The following DCC variants were observed in gnomAD, a reference collection of about 807,000 sequenced individuals.
The protein encoded by DCC is DCC netrin 1 receptor.
A neutral mutation model predicts 172.5 loss-of-function variants in DCC; 58 were observed. The observed-to-expected ratio is 0.34, with a 90% CI of 0.27 to 0.42. DCC has a LOEUF of 0.42. DCC is among the 10% of genes least tolerant of loss of function. DCC has a pLI of 1.00. For synonymous variants in DCC, 709 were observed against 644.5 expected, an observed-to-expected ratio of 1.10 and a Z score of -1.52; for missense variants, 1,740 against 1,791.0, an observed-to-expected ratio of 0.97 and a Z score of 0.51.
chr18:53,075,985 T>G (rs1179772833), intron 7 of DCC, among the ~76,000 whole-genome samples: 2 of 152,150 alleles, frequency 1.3e-5, no homozygotes, highest in African/African-American at 4.8e-5. Context: ...ACTGGTCATA[T>G]ATGCTGTACT....
intron 27 of DCC, among the ~76,000 whole-genome samples, chr18:53,525,437 T>C (rs2046444106): frequency 6.6e-6 from 1 of 152,072 alleles, no homozygotes; most frequent in Admixed American, 6.6e-5. Context: ...ATCCCTAAAG[T>C]TCAAGAGTGA....
At chr18:53,390,875 C>A (rs1908504870) in intron 16 of DCC, among the ~76,000 whole-genome samples, 1 of 152,162 alleles carries the variant, frequency 6.6e-6, no homozygotes, top group African/African-American at 2.4e-5. Context: ...AATATGGGAA[C>A]TCCTACCAAG....
intron 1 of DCC, among the ~76,000 whole-genome samples, chr18:52,424,657 C>A (rs1987362409): frequency 6.6e-6 from 1 of 152,064 alleles, no homozygotes; most frequent in Non-Finnish European, 1.5e-5. Context: ...CTGCCTAGAT[C>A]CTAATTAAGA....
At position 52,997,466 on chromosome 18, in the gene DCC, T is replaced by C. The variant is rs368606482; in HGVS notation, c.986-65839T>C. The stretch of plus-strand genomic sequence containing the variant: ...TGTAATAGACACATAAAAACCTAAG[T>C]CTCCATTCAGGATTCACATATGCCA... On this transcript the variant is annotated intron_variant, in intron 5 of 28. Coordinates refer to ENST00000442544, the MANE Select transcript of DCC (RefSeq NM_005215.4). Among the ~76,000 whole-genome samples the C allele has an allele frequency of 1.1e-4, 17 of 152,146 alleles. No homozygotes were observed. The East Asian group carries it at 1.7e-3, about 16-fold the overall frequency.
At chr18:52,708,604 G>C (rs1033452730) in intron 1 of DCC, among the ~76,000 whole-genome samples, 2 of 152,166 alleles carry the variant, frequency 1.3e-5, no homozygotes, top group Non-Finnish European at 2.9e-5. Context: ...TATCAACAAA[G>C]AGATGCTGTA....
intron 1 of DCC, among the ~76,000 whole-genome samples, chr18:52,612,336 G>C (rs1439018934): frequency 6.6e-6 from 1 of 151,950 alleles, no homozygotes; most frequent in Non-Finnish European, 1.5e-5. Context: ...TTAATCACAA[G>C]GTTCCCATCA....
chr18:52,934,395 G>A (rs2040352576), intron 5 of DCC, among the ~76,000 whole-genome samples: 1 of 152,056 alleles, frequency 6.6e-6, no homozygotes, highest in Non-Finnish European at 1.5e-5. Flanking sequence ...ACACCTTGCT[G>A]TTCATGCTTT....
At chr18:53,230,444 G>C (rs529160601) in intron 12 of DCC, among the ~76,000 whole-genome samples, 4 of 152,002 alleles carry the variant, frequency 2.6e-5, no homozygotes, top group Admixed American at 2.6e-4. Flanking sequence ...AGGGACTCCA[G>C]CGTATCATTT....
At chr18:52,843,309 G>A (rs769212955) in intron 2 of DCC, among the ~76,000 whole-genome samples, 2 of 152,102 alleles carry the variant, frequency 1.3e-5, no homozygotes, top group South Asian at 2.1e-4. Context: ...TTTTACCTTT[G>A]TTACCTGCTA....
intron 1 of DCC, among the ~76,000 whole-genome samples, chr18:52,423,135 G>A (rs1987306095): frequency 6.6e-6 from 1 of 152,116 alleles, no homozygotes; most frequent in Non-Finnish European, 1.5e-5. Flanking sequence ...GTCATGCTCT[G>A]TATTAAAGCC....
chr18:52,646,283 A>C (rs2035016913), intron 1 of DCC, among the ~76,000 whole-genome samples: 1 of 152,170 alleles, frequency 6.6e-6, no homozygotes. Context: ...TACATTTTAC[A>C]TGTATGCATT....
At chr18:52,613,806 G>A (rs763322123) in intron 1 of DCC, among the ~76,000 whole-genome samples, 4 of 152,080 alleles carry the variant, frequency 2.6e-5, no homozygotes, top group Non-Finnish European at 5.9e-5. Context: ...CTGGGTATTC[G>A]CTGAGAGCAA....
intron 15 of DCC, among the ~76,000 whole-genome samples, chr18:53,367,277 AAT>A (rs80034976): frequency 0.3 from 45,074 of 151,916 alleles, 8,573 homozygotes; most frequent in Non-Finnish European, 0.44. Context: ...CAAAGAAAAA[AAT>A]GAGTATAGCC....
At chr18:52,986,284 C>A (rs969966083) in intron 5 of DCC, among the ~76,000 whole-genome samples, 2 of 152,116 alleles carry the variant, frequency 1.3e-5, no homozygotes, top group African/African-American at 4.8e-5. Flanking sequence ...AGAGTAGTAT[C>A]ATAATTTTAG....
intron 7 of DCC, among the ~76,000 whole-genome samples, chr18:53,120,009 A>G (rs917716810): frequency 2.5e-4 from 38 of 152,018 alleles, no homozygotes; most frequent in East Asian, 7.8e-4. Context: ...TATTCAAGTT[A>G]TAGTCTCATT....
intron 1 of DCC, among the ~76,000 whole-genome samples, chr18:52,558,940 C>T (rs903340566): frequency 1.3e-5 from 2 of 152,116 alleles, no homozygotes; most frequent in African/African-American, 4.8e-5. Flanking sequence ...GAGGTTGGGA[C>T]GGGTGATGTA....
chr18:53,367,451 A>G (rs1358130244), intron 15 of DCC, among the ~76,000 whole-genome samples: 1 of 152,216 alleles, frequency 6.6e-6, no homozygotes, highest in African/African-American at 2.4e-5. Context: ...ATAACAAAGT[A>G]TAGAAGTGGT....
chr18:52,822,162 C>T (rs1043339025), intron 2 of DCC, among the ~76,000 whole-genome samples: 1 of 152,148 alleles, frequency 6.6e-6, no homozygotes, highest in Non-Finnish European at 1.5e-5. Flanking sequence ...TAATCTGGAT[C>T]CGTATCCCAT....
chr18:53,095,235 CCA>C lies in DCC; in HGVS notation c.1261+29072_1261+29073del, dbSNP rs2043069284. ...TGCTCATTTCAGGAAACCTGCTTAA[CCA>C]CAGAATGAAGTCTGAAGGAGGTGAG... is the stretch of plus-strand genomic sequence containing the variant. On this transcript the variant is annotated intron_variant, in intron 7 of 28. Coordinates refer to ENST00000442544, the MANE Select transcript of DCC (RefSeq NM_005215.4). Among the ~76,000 whole-genome samples, 5 of 152,142 alleles carry C rather than the reference CCA, an allele frequency of 3.3e-5. No individual in the cohort carries two copies. In the South Asian group the frequency reaches 1.0e-3, roughly 32 times the overall value.
Sources: gnomAD v4.1 joint callset for allele counts (sites outside exome capture counted in the v4.1 genomes callset) on GRCh38, gnomAD v4.1.1 for gene constraint, MANE v1.5 for transcripts, NCBI Gene and HGNC (gene_info 2026-07-23, HGNC 2026-07-21) for gene names.